The following SHANK2 variants were observed in gnomAD, a reference collection of about 807,000 sequenced individuals.
SHANK2 encodes SH3 and multiple ankyrin repeat domains 2, also known as SH3 and multiple ankyrin repeat domains protein 2.
In SHANK2, 43 loss-of-function variants were observed where a neutral mutation model predicts 133.7. The observed-to-expected ratio is 0.32, with a 90% CI of 0.25 to 0.41. SHANK2 has a LOEUF of 0.41. Ranked by LOEUF, SHANK2 falls within the 10% of genes least tolerant of loss-of-function variation. The pLI is 1.00. For synonymous variants in SHANK2, 1,017 were observed against 952.8 expected (o/e 1.07, Z -1.24); for missense variants, 1,994 against 2,235.8 (o/e 0.89, Z 2.18).
At chr11:71,111,063 C>T (rs370363514) in intron 5 of SHANK2, among the ~76,000 whole-genome samples, 3 of 152,262 alleles carry the variant, frequency 2.0e-5, no homozygotes, top group East Asian at 1.9e-4. Context: ...GCCGATGCCA[C>T]GATCTCAGAC....
chr11:70,711,686 G>T (rs977011096), intron 14 of SHANK2, among the ~76,000 whole-genome samples: 1 of 152,172 alleles, frequency 6.6e-6, no homozygotes, highest in Non-Finnish European at 1.5e-5. Context: ...CAGAAGGGCG[G>T]GGACCCTGGC....
chr11:70,475,169 CA>C (rs1250329764), intron 25 of SHANK2: 1 of 152,194 alleles, frequency 6.6e-6, no homozygotes, highest in Non-Finnish European at 1.5e-5. Context: ...CAGCACTTCC[CA>C]AAGAGGAGCC....
intron 17 of SHANK2, chr11:70,571,352 A>T (rs1335533543): frequency 6.6e-6 from 1 of 152,238 alleles, no homozygotes; most frequent in Non-Finnish European, 1.5e-5. Context: ...CCGAAAATGG[A>T]AGGGCAGAGA....
At chr11:70,903,329 A>T (rs1403137151) in intron 10 of SHANK2, among the ~76,000 whole-genome samples, 1 of 151,846 alleles carries the variant, frequency 6.6e-6, no homozygotes, top group Non-Finnish European at 1.5e-5. Flanking sequence ...GTGAGCTGAG[A>T]TTGCACCACT....
At chr11:70,813,333 G>A (rs1455945890) in intron 12 of SHANK2, among the ~76,000 whole-genome samples, 2 of 152,164 alleles carry the variant, frequency 1.3e-5, no homozygotes, top group Non-Finnish European at 1.5e-5. Context: ...GATGTTCGGG[G>A]AGAAATGGAT....
chr11:70,943,825 C>A, intron 10 of SHANK2: 1 of 431,360 alleles, frequency 2.3e-6, no homozygotes, highest in South Asian at 1.7e-5. Context: ...CAATCCCTTC[C>A]TCACCACAGG....
intron 8 of SHANK2, among the ~76,000 whole-genome samples, chr11:71,080,822 T>C (rs1044179553): frequency 2.4e-4 from 37 of 152,104 alleles, no homozygotes; most frequent in Non-Finnish European, 4.4e-4. Flanking sequence ...ATACCACGGT[T>C]TTCAAAGGCT....
At position 70,739,604 on chromosome 11, in the gene SHANK2, T is replaced by G. The variant is rs530144283; in HGVS notation, c.1778-40841A>C. On this transcript the variant is annotated intron_variant, in intron 14 of 25. Coordinates refer to ENST00000601538, the MANE Select transcript of SHANK2 (RefSeq NM_012309.5). The surrounding 1 kb of genome is among the most constrained non-coding windows in gnomAD (Gnocchi z 4.3). ...GTTTCAGATTCTGAGCCTGGTGAGG[T>G]TGGTCCAGGGTCCCACCACCAGCCA... is the stretch of plus-strand genomic sequence containing the variant. Among the ~76,000 whole-genome samples the G allele has an allele frequency of 6.6e-6, 1 of 152,308 alleles. No individual in the cohort carries two copies. Among genetic ancestry groups the G allele is most frequent in the African/African-American group, 2.4e-5 (1 of 41,560 alleles).
At chr11:70,568,896 T>A (rs2060006788) in intron 17 of SHANK2, among the ~76,000 whole-genome samples, 2 of 152,078 alleles carry the variant, frequency 1.3e-5, no homozygotes, top group African/African-American at 4.8e-5. Flanking sequence ...AACCCAGCTG[T>A]TTATAGATGG....
At chr11:70,537,227 T>G (rs1358236315) in intron 17 of SHANK2, among the ~76,000 whole-genome samples, 1 of 151,694 alleles carries the variant, frequency 6.6e-6, no homozygotes, top group East Asian at 1.9e-4. Flanking sequence ...GAGGGAAACC[T>G]CCCCCCAGGA....
At chr11:70,883,291 T>C (rs954842382) in intron 11 of SHANK2, among the ~76,000 whole-genome samples, 2 of 152,194 alleles carry the variant, frequency 1.3e-5, no homozygotes, top group Non-Finnish European at 2.9e-5. Flanking sequence ...TGCCTCCTCC[T>C]CTGGGAAGCC....
intron 14 of SHANK2, among the ~76,000 whole-genome samples, chr11:70,790,911 G>A (rs1261825652): frequency 4.6e-5 from 7 of 152,088 alleles, no homozygotes; most frequent in Non-Finnish European, 7.3e-5. Context: ...CTCTCTCCCC[G>A]TCTCTGCAGG....
chr11:70,731,218 CTA>C (rs1188304352), intron 14 of SHANK2, among the ~76,000 whole-genome samples: 8 of 152,170 alleles, frequency 5.3e-5, no homozygotes, highest in African/African-American at 1.9e-4. Flanking sequence ...CAGAGAAAGA[CTA>C]TGTGGGGACA....
At chr11:71,182,028 A>G (rs1555113864) in intron 2 of SHANK2, among the ~76,000 whole-genome samples, 1 of 152,124 alleles carries the variant, frequency 6.6e-6, no homozygotes, top group Non-Finnish European at 1.5e-5. Flanking sequence ...TCCCCCTCAT[A>G]GAGGATGGCT....
At chr11:70,895,231 C>A (rs572370224) in intron 11 of SHANK2, among the ~76,000 whole-genome samples, 1 of 152,192 alleles carries the variant, frequency 6.6e-6, no homozygotes, top group Non-Finnish European at 1.5e-5. Context: ...AGGTACCGGC[C>A]GTGGTTGACG....
chr11:70,762,926 G>A (rs191267325), intron 14 of SHANK2, among the ~76,000 whole-genome samples: 85 of 152,342 alleles, frequency 5.6e-4, no homozygotes, highest in African/African-American at 2.0e-3. Flanking sequence ...CAAAGTCATG[G>A]CTGGTGGCCA....
At chr11:70,605,316 C>G (rs1554992010) in intron 17 of SHANK2, among the ~76,000 whole-genome samples, 1 of 152,244 alleles carries the variant, frequency 6.6e-6, no homozygotes, top group Non-Finnish European at 1.5e-5. Flanking sequence ...GCAGCCCAGC[C>G]CGGAGACAGC....
At chr11:70,800,085 G>A (rs760797192) in intron 13 of SHANK2, among the ~76,000 whole-genome samples, 143 of 151,942 alleles carry the variant, frequency 9.4e-4, no homozygotes, top group Non-Finnish European at 1.8e-3. Context: ...GTGCAGTGGT[G>A]TCATCACAGC....
chr11:71,086,425 T>G (rs1951417551), intron 8 of SHANK2, among the ~76,000 whole-genome samples: 1 of 130,090 alleles, frequency 7.7e-6, no homozygotes, highest in African/African-American at 2.9e-5. Flanking sequence ...ATAATACATA[T>G]TATATATTTA....
Sources: gnomAD v4.1 joint callset for allele counts (sites outside exome capture counted in the v4.1 genomes callset) on GRCh38, gnomAD v4.1.1 for gene constraint, Gnocchi (gnomAD v3.1) non-coding constraint, MANE v1.5 for transcripts, NCBI Gene and HGNC (gene_info 2026-07-23, HGNC 2026-07-21) for gene names.